FUT9: variants seen among roughly 807,000 people sequenced by gnomAD.
FUT9 encodes the protein 4-galactosyl-N-acetylglucosaminide 3-alpha-L-fucosyltransferase 9.
A neutral mutation model predicts 29.7 loss-of-function variants in FUT9; 15 were observed. The ratio of observed to expected loss-of-function variants is 0.51; its 90% confidence interval spans 0.34 to 0.78. FUT9 has a LOEUF of 0.78. FUT9 is among the 30% of genes least tolerant of loss of function. The pLI is 0.01. For synonymous variants in FUT9, 169 were observed against 153.7 expected (o/e 1.10, Z -0.74); for missense variants, 319 against 425.4 (o/e 0.75, Z 2.20).
intron 1 of FUT9, among the ~76,000 whole-genome samples, chr6:96,072,144 C>A (rs1362079169): frequency 3.3e-5 from 5 of 152,048 alleles, no homozygotes; most frequent in African/African-American, 1.2e-4. Context: ...TAATGAGAAA[C>A]TAGGGGTTTA....
In FUT9 at chr6:96,205,881, A is replaced by G. The variant is rs979760029; in HGVS notation, c.*1646A>G. 1 of 167,062 alleles carries G rather than the reference A, an allele frequency of 6.0e-6. No individual in the cohort carries two copies. Among genetic ancestry groups the G allele is most frequent in the Admixed American group, 6.5e-5 (1 of 15,288 alleles). The allele number at this position is 167,062 out of a possible 1,614,324, so 10.3% of individuals were successfully genotyped here. ...TGTGAGAGAATAAGCTCACCCCAGCACCAGAAAGATTTGAGCAGAGGAATA... is the reference window on the plus strand; with the variant it reads ...TGTGAGAGAATAAGCTCACCCCAGCGCCAGAAAGATTTGAGCAGAGGAATA... On this transcript the variant is annotated 3_prime_UTR_variant, in exon 3 of 3. Transcript: ENST00000302103.
At chr6:96,071,242 C>G (rs546563769) in intron 1 of FUT9, among the ~76,000 whole-genome samples, 127 of 152,176 alleles carry the variant, frequency 8.3e-4, no homozygotes, top group Middle Eastern at 3.4e-3. Flanking sequence ...AGGTGCTGTT[C>G]TGCAGCAGCA....
rs1000943911 is a variant in FUT9, at chr6:96,186,186, G to T, written c.-8-16962G>T. 2.6e-5 allele frequency among the ~76,000 whole-genome samples: 4 copies of T among 151,628 alleles called. No homozygotes were observed. In the South Asian group the frequency reaches 8.3e-4, roughly 32 times the overall value. On this transcript the variant is annotated intron_variant, in intron 2 of 2. Transcript: ENST00000302103. ...ATACTTTTATCATATTATTTCTTAG[G>T]CTGTTGACATCTTTGTGGCTTATTT...
At chr6:96,163,365 C>A (rs1772950108) in intron 2 of FUT9, among the ~76,000 whole-genome samples, 1 of 149,106 alleles carries the variant, frequency 6.7e-6, no homozygotes. Context: ...GGACTCCATA[C>A]TTCTATATTT....
chr6:96,057,086 T>G (rs1029671363), intron 1 of FUT9, among the ~76,000 whole-genome samples: 2 of 152,228 alleles, frequency 1.3e-5, no homozygotes, highest in African/African-American at 4.8e-5. Flanking sequence ...TTTGGTAGGT[T>G]AGTTGTTTAA....
chr6:96,066,964 G>C (rs1385232209), intron 1 of FUT9, among the ~76,000 whole-genome samples: 1 of 151,768 alleles, frequency 6.6e-6, no homozygotes, highest in Non-Finnish European at 1.5e-5. Context: ...TTACCTAAAA[G>C]CTTTATATTC....
intron 2 of FUT9, among the ~76,000 whole-genome samples, chr6:96,186,122 C>G (rs1430242265): frequency 2.6e-5 from 4 of 152,062 alleles, no homozygotes; most frequent in Admixed American, 2.6e-4. Context: ...ATTAAACTTG[C>G]CTTTTTTTCT....
chr6:96,050,998 G>GTC (rs72412667), intron 1 of FUT9, among the ~76,000 whole-genome samples: 2 of 149,498 alleles, frequency 1.3e-5, no homozygotes, highest in Non-Finnish European at 3.0e-5. Context: ...CGTGGATCAT[G>GTC]TCTCTCTCTC....
At chr6:96,050,803 T>G (rs937100773) in intron 1 of FUT9, among the ~76,000 whole-genome samples, 1 of 152,240 alleles carries the variant, frequency 6.6e-6, no homozygotes. Context: ...GATATGTAGC[T>G]GTCAAGTCTC....
At chr6:96,029,495 A>G (rs559603137) in intron 1 of FUT9, among the ~76,000 whole-genome samples, 1 of 151,714 alleles carries the variant, frequency 6.6e-6, no homozygotes, top group African/African-American at 2.4e-5. Flanking sequence ...GGCTAGAGGA[A>G]TGTGAAGTCT....
chr6:96,181,223 T>C (rs1473393044), intron 2 of FUT9, among the ~76,000 whole-genome samples: 1 of 152,008 alleles, frequency 6.6e-6, no homozygotes, highest in Non-Finnish European at 1.5e-5. Flanking sequence ...TGAAAGACTG[T>C]GTCCAGTATC....
At chr6:96,165,783 T>G (rs1773005072) in intron 2 of FUT9, among the ~76,000 whole-genome samples, 1 of 151,994 alleles carries the variant, frequency 6.6e-6, no homozygotes, top group Admixed American at 6.6e-5. Context: ...GCCTGGTTAA[T>G]TTTTGTATTT....
In FUT9 at chr6:96,203,257, C is replaced by G. The variant is rs1212599739; in HGVS notation, c.102C>G (p.Asn34Lys). 2.5e-6 allele frequency: 4 copies of G among 1,613,790 alleles called. No individual in the cohort carries two copies. The Admixed American group carries it at 6.7e-5, about 27-fold the overall frequency. The part of the protein sequence containing the change: ...ACLLIYIKPT[N>K]SWIFSPMESA... ...TTCTCATTTACATCAAACCTACCAA[C>G]AGCTGGATCTTCAGTCCAATGGAAT... is the stretch of plus-strand genomic sequence containing the variant. The change falls in exon 3 of 3, where the codon AAC (asparagine) becomes AAG (lysine). Residue 34 changes from asparagine to lysine, a missense_variant. Asn to Lys is a moderately conservative substitution (Grantham distance 94). Coordinates refer to ENST00000302103, the MANE Select transcript of FUT9 (RefSeq NM_006581.4).
rs564390299 is a variant in FUT9 at position 96,039,947 on chromosome 6, C to T, written c.-98+23735C>T. Among the ~76,000 whole-genome samples, 286 of 101,882 alleles carry T rather than the reference C, an allele frequency of 2.8e-3. 2 individuals carry two copies. The highest frequency in any genetic ancestry group is 0.018 in the South Asian group (54 of 3,048). 66.8% of individuals were successfully genotyped at this position (101,882 alleles called of 152,430 possible). Reference sequence around the variant, plus strand: ...ATGTCTCTTGGACTTTAAATTCAAACTATTTTTTTTTCTGTCTCTTTCCTT... The same window carrying T: ...ATGTCTCTTGGACTTTAAATTCAAATTATTTTTTTTTCTGTCTCTTTCCTT... On this transcript the variant is annotated intron_variant, in intron 1 of 2. Transcript: ENST00000302103.
At chr6:96,141,458 T>A (rs897931625) in intron 2 of FUT9, among the ~76,000 whole-genome samples, 1 of 152,110 alleles carries the variant, frequency 6.6e-6, no homozygotes, top group Non-Finnish European at 1.5e-5. Context: ...TCAGGTGAGA[T>A]GCAGGAGAAT....
chr6:96,058,417 G>T (rs557720008), intron 1 of FUT9, among the ~76,000 whole-genome samples: 1 of 127,456 alleles, frequency 7.8e-6, no homozygotes, highest in South Asian at 2.6e-4. Context: ...GGAACAAGTG[G>T]ATTAAGAGAG....
At chr6:96,130,207 T>A (rs938683655) in intron 2 of FUT9, among the ~76,000 whole-genome samples, 10 of 152,170 alleles carry the variant, frequency 6.6e-5, no homozygotes, top group African/African-American at 2.4e-4. Flanking sequence ...ATGAGAAAAA[T>A]TAATTTTAAA....
intron 1 of FUT9, among the ~76,000 whole-genome samples, chr6:96,021,747 A>G (rs1409799561): frequency 6.6e-6 from 1 of 152,092 alleles, no homozygotes; most frequent in African/African-American, 2.4e-5. Flanking sequence ...CATTTAAATA[A>G]TACGTATTAC....
chr6:96,024,930 A>G (rs1770137059), intron 1 of FUT9, among the ~76,000 whole-genome samples: 1 of 151,798 alleles, frequency 6.6e-6, no homozygotes, highest in Non-Finnish European at 1.5e-5. Flanking sequence ...ATAGCAGCAA[A>G]GTCCCACTGC....
Sources: gnomAD v4.1 joint callset for allele counts (sites outside exome capture counted in the v4.1 genomes callset) on GRCh38, gnomAD v4.1.1 for gene constraint, MANE v1.5 for transcripts, NCBI Gene and HGNC (gene_info 2026-07-23, HGNC 2026-07-21) for gene names.